The following DACH1 variants were observed in gnomAD, a reference collection of about 807,000 sequenced individuals.
DACH1 encodes dachshund homolog 1.
In DACH1, 12 loss-of-function variants were observed where a neutral mutation model predicts 54.2. That is an observed-to-expected ratio of 0.22 (90% CI 0.14 to 0.36). The LOEUF (loss-of-function observed/expected upper bound fraction) is 0.36. Ranked by LOEUF, DACH1 falls within the 10% of genes least tolerant of loss-of-function variation. DACH1 has a pLI of 1.00. For synonymous variants in DACH1, 386 were observed against 366.2 expected (o/e 1.05, Z -0.62); for missense variants, 805 against 929.8 (o/e 0.87, Z 1.75).
intron 6 of DACH1, 128 bp downstream of exon 6, chr13:71,556,896 G>T: frequency 1.0e-6 from 1 of 997,050 alleles, no homozygotes; most frequent in Non-Finnish European, 1.4e-6. Flanking sequence ...ACTTAATATT[G>T]TGGATTTTAA....
chr13:71,826,371 T>C (rs1055950481), intron 1 of DACH1, among the ~76,000 whole-genome samples: 9 of 152,136 alleles, frequency 5.9e-5, no homozygotes. Flanking sequence ...CCCAGTACTC[T>C]ACCTCAAAAT....
At chr13:71,614,452 A>G (rs1875600892) in intron 3 of DACH1, among the ~76,000 whole-genome samples, 1 of 152,006 alleles carries the variant, frequency 6.6e-6, no homozygotes, top group African/African-American at 2.4e-5. Flanking sequence ...CACATGGAGG[A>G]AAAAAAACCC....
chr13:71,782,046 A>G (rs907260792), intron 1 of DACH1, among the ~76,000 whole-genome samples: 1 of 152,118 alleles, frequency 6.6e-6, no homozygotes, highest in Admixed American at 6.5e-5. Context: ...TAACTATCTC[A>G]TCATCCTACA....
intron 1 of DACH1, among the ~76,000 whole-genome samples, chr13:71,828,059 G>T (rs1888446808): frequency 6.6e-6 from 1 of 151,984 alleles, no homozygotes; most frequent in Non-Finnish European, 1.5e-5. Flanking sequence ...TGTAAATTCA[G>T]GTGCTGTGTC....
intron 1 of DACH1, among the ~76,000 whole-genome samples, chr13:71,796,812 C>T (rs1887073048): frequency 6.6e-6 from 1 of 152,014 alleles, no homozygotes; most frequent in African/African-American, 2.4e-5. Flanking sequence ...GTAAACTTTG[C>T]CTTGTAGAAA....
intron 1 of DACH1, among the ~76,000 whole-genome samples, chr13:71,718,062 A>G (rs1413449028): frequency 1.3e-5 from 2 of 152,078 alleles, no homozygotes; most frequent in Admixed American, 6.6e-5. Flanking sequence ...AAGGCCCCAG[A>G]AAAGAACAAC....
At chr13:71,543,298 T>C (rs1883253380) in intron 6 of DACH1, among the ~76,000 whole-genome samples, 1 of 152,238 alleles carries the variant, frequency 6.6e-6, no homozygotes, top group Non-Finnish European at 1.5e-5. Flanking sequence ...ACATCCCACA[T>C]TGGAGTCTTT....
In DACH1 at chr13:71,712,227, A is replaced by AT. The variant is rs932260542; in HGVS notation, c.849-30318dup. On this transcript the variant is annotated intron_variant, in intron 1 of 10. Coordinates refer to ENST00000613252, the MANE Select transcript of DACH1 (RefSeq NM_080759.6). ...ATTTGAATATATATTCTTAAATCAT[A>AT]TTTTTTTCAGAAATTAAATCTTTTT... Among the ~76,000 whole-genome samples, 3 of 152,114 alleles carry AT rather than the reference A, an allele frequency of 2.0e-5. No individual in the cohort carries two copies. The East Asian group carries it at 5.8e-4, about 29-fold the overall frequency.
At chr13:71,480,426 A>G (rs982873834) in intron 7 of DACH1, among the ~76,000 whole-genome samples, 3 of 152,224 alleles carry the variant, frequency 2.0e-5, no homozygotes, top group African/African-American at 4.8e-5. Context: ...GCTTTTAAAA[A>G]TTAGCAGTAT....
At chr13:71,773,780 A>G (rs763555707) in intron 1 of DACH1, among the ~76,000 whole-genome samples, 1 of 152,100 alleles carries the variant, frequency 6.6e-6, no homozygotes, top group Non-Finnish European at 1.5e-5. Flanking sequence ...AACAGCTGTG[A>G]AAACAATCTT....
chr13:71,537,596 T>A (rs911406649), intron 6 of DACH1, among the ~76,000 whole-genome samples: 3 of 152,112 alleles, frequency 2.0e-5, no homozygotes, highest in African/African-American at 7.2e-5. Flanking sequence ...AATGTCTATA[T>A]GATAACAATG....
At chr13:71,768,047 T>C (rs1885710009) in intron 1 of DACH1, among the ~76,000 whole-genome samples, 1 of 152,024 alleles carries the variant, frequency 6.6e-6, no homozygotes, top group African/African-American at 2.4e-5. Flanking sequence ...AAGAGTACTA[T>C]GGGCTATCAT....
At chr13:71,621,651 G>A (rs1383371225) in intron 3 of DACH1, among the ~76,000 whole-genome samples, 1 of 152,020 alleles carries the variant, frequency 6.6e-6, no homozygotes, top group African/African-American at 2.4e-5. Context: ...AGATAAAGAT[G>A]TAATAATGCC....
intron 3 of DACH1, among the ~76,000 whole-genome samples, chr13:71,576,268 A>G (rs1178978232): frequency 2.6e-5 from 4 of 152,178 alleles, no homozygotes; most frequent in Non-Finnish European, 5.9e-5. Context: ...GAATTTATAT[A>G]TAAAGAGTGA....
chr13:71,811,528 T>C (rs559601510), intron 1 of DACH1, among the ~76,000 whole-genome samples: 2 of 152,286 alleles, frequency 1.3e-5, no homozygotes, highest in Admixed American at 6.5e-5. Context: ...TTGCTACTAT[T>C]CTATCATTTA....
At chr13:71,441,672 A>G (rs567523383) in intron 10 of DACH1, among the ~76,000 whole-genome samples, 54 of 152,194 alleles carry the variant, frequency 3.5e-4, no homozygotes, top group Non-Finnish European at 7.5e-4. Flanking sequence ...TAAATGACCT[A>G]TAGTACATTC....
intron 1 of DACH1, among the ~76,000 whole-genome samples, chr13:71,782,924 A>T (rs1160663682): frequency 1.3e-5 from 2 of 152,252 alleles, no homozygotes; most frequent in Non-Finnish European, 2.9e-5. Context: ...CACCAAAAAT[A>T]TTTTTTAAAA....
Position 71,828,552 on chromosome 13 carries a change from A to C in DACH1, c.848+37370T>G, listed in dbSNP as rs191918192. On this transcript the variant is annotated intron_variant, in intron 1 of 10. Coordinates refer to ENST00000613252, the MANE Select transcript of DACH1 (RefSeq NM_080759.6). The stretch of plus-strand genomic sequence containing the variant: ...AAACCACGGTTTGTAGCACAAAAGC[A>C]TGTATTCAACCATGAAACATTAGCG... Among the ~76,000 whole-genome samples, 174 of 151,696 alleles carry C rather than the reference A, an allele frequency of 1.1e-3. 2 individuals are homozygous for C. Among genetic ancestry groups the C allele is most frequent in the Non-Finnish European group, 1.9e-3 (127 of 67,958 alleles).
intron 1 of DACH1, among the ~76,000 whole-genome samples, chr13:71,732,865 C>G (rs1594149648): frequency 6.6e-6 from 1 of 152,078 alleles, no homozygotes; most frequent in East Asian, 1.9e-4. Flanking sequence ...AGGTTATTTC[C>G]AAACCTCTTA....
Sources: allele counts gnomAD v4.1 joint callset (sites outside exome capture counted in the v4.1 genomes callset), GRCh38; gene constraint gnomAD v4.1.1; transcripts MANE v1.5; gene names NCBI Gene and HGNC (gene_info 2026-07-23, HGNC 2026-07-21).